Variants in XKR9 observed in about 807,000 individuals in gnomAD.
XKR9 encodes XK related 9, also known as XK-related protein 9.
A neutral mutation model predicts 32.0 loss-of-function variants in XKR9; 32 were observed. The observed-to-expected ratio is 1.00, with a 90% CI of 0.76 to 1.34. The LOEUF (loss-of-function observed/expected upper bound fraction) is 1.34. XKR9 is among the 40% of genes most tolerant of loss of function. The pLI is 0.00. For missense variants in XKR9, 546 were observed against 429.7 expected, an observed-to-expected ratio of 1.27 and a Z score of -2.39; for synonymous variants, 168 against 143.4, an observed-to-expected ratio of 1.17 and a Z score of -1.22.
At chr8:70,767,003 A>G (rs1025443393) in intron 2 of XKR9, among the ~76,000 whole-genome samples, 2 of 152,186 alleles carry the variant, frequency 1.3e-5, no homozygotes, top group African/African-American at 4.8e-5. Flanking sequence ...ATTTGCCACT[A>G]TTTTATTGAG....
chr8:70,876,218 C>CTTTT, the XKR9 span, among the ~76,000 whole-genome samples: 86 of 101,430 alleles, frequency 8.5e-4, no homozygotes, highest in Non-Finnish European at 1.2e-3. Flanking sequence ...AAGATTCGTT[C>CTTTT]TTTTTTTTTT....
intron 2 of XKR9, among the ~76,000 whole-genome samples, chr8:70,763,581 T>C (rs1196381909): frequency 6.6e-6 from 1 of 152,228 alleles, no homozygotes; most frequent in African/African-American, 2.4e-5. Context: ...ATGTATATAT[T>C]CAGTTTATAG....
the XKR9 span, among the ~76,000 whole-genome samples, chr8:70,868,071 A>C: frequency 6.6e-6 from 1 of 152,202 alleles, no homozygotes; most frequent in Non-Finnish European, 1.5e-5. Context: ...GCGGGCTCCC[A>C]TGGCCTTGAG....
At chr8:70,700,322 T>G (rs1805473215) in intron 3 of XKR9, among the ~76,000 whole-genome samples, 2 of 152,160 alleles carry the variant, frequency 1.3e-5, no homozygotes, top group South Asian at 4.1e-4. Context: ...TTTATCTACT[T>G]TTGGTCTTTG....
the XKR9 span, among the ~76,000 whole-genome samples, chr8:70,817,967 A>T: frequency 6.6e-6 from 1 of 152,186 alleles, no homozygotes; most frequent in South Asian, 2.1e-4. Context: ...TTAACTCAAG[A>T]TGGGTTAAAG....
chr8:70,760,367 A>G (rs975192677), intron 2 of XKR9, among the ~76,000 whole-genome samples: 1 of 152,212 alleles, frequency 6.6e-6, no homozygotes, highest in Admixed American at 6.6e-5. Flanking sequence ...TAAATAAGAT[A>G]GGTAATTTAT....
intron 3 of XKR9, among the ~76,000 whole-genome samples, chr8:70,700,626 G>T (rs535215939): frequency 2.3e-4 from 35 of 152,296 alleles, no homozygotes; most frequent in African/African-American, 8.4e-4. Flanking sequence ...CTGCTCGGGG[G>T]TCAGGGGTCA....
intron 4 of XKR9, among the ~76,000 whole-genome samples, chr8:70,710,746 A>C (rs1216370013): frequency 2.6e-5 from 4 of 151,414 alleles, no homozygotes; most frequent in African/African-American, 9.7e-5. Flanking sequence ...CAAACAAAAA[A>C]CAAAAGCAAT....
the XKR9 span, among the ~76,000 whole-genome samples, chr8:70,887,660 C>T: frequency 1.3e-5 from 2 of 151,882 alleles, no homozygotes; most frequent in South Asian, 4.2e-4. Flanking sequence ...AGTTGTATTC[C>T]TAGGTATTTT....
the XKR9 span, among the ~76,000 whole-genome samples, chr8:71,000,998 C>T: frequency 6.6e-6 from 1 of 152,172 alleles, no homozygotes; most frequent in Non-Finnish European, 1.5e-5. Context: ...CTTTGTCACT[C>T]ATTCGTGGGT....
At chr8:70,928,368 A>G in the XKR9 span, among the ~76,000 whole-genome samples, 1 of 152,116 alleles carries the variant, frequency 6.6e-6, no homozygotes, top group South Asian at 2.1e-4. Flanking sequence ...TTATTAGGAC[A>G]TTTTGGTTGA....
Position 70,681,299 on chromosome 8 carries a change from C to T in XKR9, c.241C>T (p.Leu81Phe). The change falls in exon 3 of 5, where the codon CTT becomes TTT. Residue 81 changes from leucine (L) to phenylalanine (F), a missense_variant. Coordinates refer to ENST00000408926, the MANE Select transcript of XKR9 (RefSeq NM_001011720.2). ...AGAAAGTCAGCATTGTTTTCTTCTA[C>T]TTCATTGCTTGCAAGGAGGAGTTTT... ...GQESQHCFLL[L>F]HCLQGGVFTR... 1 of 1,612,736 alleles carries T rather than the reference C, an allele frequency of 6.2e-7. No individual in the cohort carries two copies. Among genetic ancestry groups the T allele is most frequent in the Non-Finnish European group, 8.5e-7 (1 of 1,179,310 alleles).
At chr8:70,913,231 T>A in the XKR9 span, among the ~76,000 whole-genome samples, 1 of 152,172 alleles carries the variant, frequency 6.6e-6, no homozygotes, top group Admixed American at 6.6e-5. Flanking sequence ...ACATTTTCAA[T>A]TGAGAGCCAC....
the XKR9 span, among the ~76,000 whole-genome samples, chr8:70,839,449 T>A: frequency 6.6e-6 from 1 of 152,260 alleles, no homozygotes; most frequent in East Asian, 1.9e-4. Flanking sequence ...CGTGCTCAGA[T>A]AAACCAATAC....
At chr8:70,989,317 A>T in the XKR9 span, among the ~76,000 whole-genome samples, 1 of 152,350 alleles carries the variant, frequency 6.6e-6, no homozygotes, top group East Asian at 1.9e-4. Context: ...GCTGTTAATA[A>T]ATCAATTCGA....
the XKR9 span, among the ~76,000 whole-genome samples, chr8:70,999,833 G>C: frequency 6.6e-6 from 1 of 152,030 alleles, no homozygotes. Context: ...AATAGCCACG[G>C]CATTTATTTA....
chr8:70,827,135 A>C, the XKR9 span, among the ~76,000 whole-genome samples: 1 of 152,188 alleles, frequency 6.6e-6, no homozygotes, highest in African/African-American at 2.4e-5. Flanking sequence ...TGGAACATAA[A>C]ACTCTCTTTG....
At chr8:70,671,371 T>C (rs1818711717) in intron 1 of XKR9, among the ~76,000 whole-genome samples, 1 of 56,220 alleles carries the variant, frequency 1.8e-5, no homozygotes, top group African/African-American at 4.5e-5. Flanking sequence ...TTAGGGTACA[T>C]GTGCACATTG....
At chr8:70,804,514 C>G in the XKR9 span, among the ~76,000 whole-genome samples, 2 of 152,100 alleles carry the variant, frequency 1.3e-5, no homozygotes, top group Non-Finnish European at 2.9e-5. Flanking sequence ...ACATGTAAAG[C>G]TTTTAGCATA....
Sources: gnomAD v4.1 joint callset for allele counts (sites outside exome capture counted in the v4.1 genomes callset) on GRCh38, gnomAD v4.1.1 for gene constraint, MANE v1.5 for transcripts, NCBI Gene and HGNC (gene_info 2026-07-23, HGNC 2026-07-21) for gene names.